The following DNAH8 variants were observed in gnomAD, a reference collection of about 807,000 sequenced individuals.
DNAH8 encodes the protein dynein axonemal heavy chain 8.
A neutral mutation model predicts 562.1 loss-of-function variants in DNAH8; 382 were observed. The observed-to-expected ratio is 0.68, with a 90% CI of 0.63 to 0.74. DNAH8 has a LOEUF of 0.74. Ranked by LOEUF, DNAH8 falls within the 30% of genes least tolerant of loss-of-function variation. The pLI is 0.00. For synonymous variants in DNAH8, 1,881 were observed against 1,919.4 expected, an observed-to-expected ratio of 0.98 and a Z score of 0.52; for missense variants, 5,203 against 5,620.4, an observed-to-expected ratio of 0.93 and a Z score of 2.37.
At chr6:38,865,359 A>T (rs538578690) in intron 45 of DNAH8, among the ~76,000 whole-genome samples, 1 of 152,240 alleles carries the variant, frequency 6.6e-6, no homozygotes, top group Non-Finnish European at 1.5e-5. Context: ...GAAGAAATGT[A>T]CTCAGTGTAA....
chr6:39,018,418 A>C (rs1017082388), intron 91 of DNAH8, among the ~76,000 whole-genome samples: 1 of 152,100 alleles, frequency 6.6e-6, no homozygotes, highest in Non-Finnish European at 1.5e-5. Flanking sequence ...GTTTCCATCC[A>C]TGCCCCTCCT....
rs1396310613 is a variant in DNAH8, at chr6:39,030,167, G to T, written c.13899G>T (p.Lys4633Asn). 1 of 1,614,086 alleles carries T rather than the reference G, an allele frequency of 6.2e-7. No individual in the cohort carries two copies. The highest frequency in any genetic ancestry group is 1.3e-5 in the African/African-American group (1 of 75,018). ...CAGCCTGGGACAGACGGAATGGGAAGCTCATGGAATCCACCCCCAAGGTAC... is the reference window on the plus strand; with the variant it reads ...CAGCCTGGGACAGACGGAATGGGAATCTCATGGAATCCACCCCCAAGGTAC... Reference protein sequence around the residue: ...DGAAWDRRNGKLMESTPKVLF... With the variant: ...DGAAWDRRNGNLMESTPKVLF... Residue 4633 changes from lysine to asparagine, a missense_variant, in exon 93 of 93, where the codon AAG (lysine) becomes AAT (asparagine). Physicochemically the swap from Lys to Asn is moderately conservative, Grantham distance 94 (BLOSUM62 0). Transcript: ENST00000327475.
intron 38 of DNAH8, among the ~76,000 whole-genome samples, chr6:38,851,015 G>A (rs1031054073): frequency 1.3e-5 from 2 of 152,156 alleles, no homozygotes; most frequent in East Asian, 1.9e-4. Context: ...CACTGCAGGC[G>A]TAGAATAGAA....
intron 39 of DNAH8, 88 bp downstream of exon 39, chr6:38,851,762 AG>A: frequency 1.2e-6 from 1 of 857,818 alleles, no homozygotes; most frequent in Non-Finnish European, 1.9e-6. Context: ...TTAAAAATGC[AG>A]GCAGGAAAGA....
chr6:38,756,055 G>C lies in DNAH8; in HGVS notation c.1491G>C (p.Glu497Asp). ...HGVSRYYNTS[E>D]RMTSLFIKVT... ...TGTCAAGGTATTATAATACCTCAGA[G>C]AGAATGACCTCATTGTTTATCAAGG... Residue 497 changes from glutamate (E) to aspartate (D), a missense_variant, in exon 10 of 93, where the codon GAG becomes GAC. Glu to Asp is a conservative substitution (Grantham distance 45). Transcript: ENST00000327475. 6.3e-7 allele frequency: 1 copy of C among 1,595,914 alleles called. No individual in the cohort carries two copies. The highest frequency in any genetic ancestry group is 2.2e-5 in the East Asian group (1 of 44,646).
chr6:38,758,639 T>C (rs9357282), intron 10 of DNAH8, among the ~76,000 whole-genome samples: 44,405 of 149,102 alleles, frequency 0.3, 7,054 homozygotes, highest in East Asian at 0.59. Flanking sequence ...AGTTTTTGTC[T>C]ATTCAGTATG....
chr6:38,994,031 T>TTTTACTTGCA (rs1764966519), intron 88 of DNAH8, among the ~76,000 whole-genome samples: 5 of 150,382 alleles, frequency 3.3e-5, no homozygotes, highest in Admixed American at 1.3e-4. Context: ...ACTTGCAGTC[T>TTTTACTTGCA]GTGAGTGCCC....
At chr6:38,844,548 TCTCC>T (rs1172343180) in intron 35 of DNAH8, among the ~76,000 whole-genome samples, 3 of 152,324 alleles carry the variant, frequency 2.0e-5, no homozygotes, top group Middle Eastern at 3.4e-3. Flanking sequence ...TTGGTGACCA[TCTCC>T]TTCTTATAAG....
At chr6:38,985,034 C>T (rs1446895223) in intron 87 of DNAH8, among the ~76,000 whole-genome samples, 1 of 152,124 alleles carries the variant, frequency 6.6e-6, no homozygotes, top group Admixed American at 6.6e-5. Flanking sequence ...TGATTTCAAG[C>T]CCCAAAATAA....
At chr6:38,765,137 C>A (rs1766880036) in intron 11 of DNAH8, among the ~76,000 whole-genome samples, 1 of 152,056 alleles carries the variant, frequency 6.6e-6, no homozygotes, top group African/African-American at 2.4e-5. Context: ...CGCCTGGCCT[C>A]ATTTGCTCAT....
chr6:38,895,199 A>G (rs778795453), intron 59 of DNAH8, among the ~76,000 whole-genome samples: 1 of 152,074 alleles, frequency 6.6e-6, no homozygotes, highest in Non-Finnish European at 1.5e-5. Context: ...TCAGTCTCCC[A>G]AAGTGCTGGG....
intron 80 of DNAH8, 50 bp downstream of exon 80, chr6:38,945,638 T>C: frequency 6.2e-7 from 1 of 1,605,990 alleles, no homozygotes; most frequent in Non-Finnish European, 8.5e-7. Context: ...AACCCAAACA[T>C]ACCTGGGCCG....
At chr6:38,856,096 C>T (rs1776174699) in intron 41 of DNAH8, among the ~76,000 whole-genome samples, 1 of 152,172 alleles carries the variant, frequency 6.6e-6, no homozygotes, top group Admixed American at 6.5e-5. Flanking sequence ...TTTAGCAAAT[C>T]CATCCCTATC....
intron 53 of DNAH8, among the ~76,000 whole-genome samples, 191 bp downstream of exon 53, chr6:38,876,019 G>A (rs1267638377): frequency 6.6e-6 from 1 of 152,214 alleles, no homozygotes; most frequent in South Asian, 2.1e-4. Flanking sequence ...AACTGATATT[G>A]AGACTCTTGA....
At chr6:38,923,300 T>G in intron 72 of DNAH8, 115 bp downstream of exon 72, 2 of 1,238,188 alleles carry the variant, frequency 1.6e-6, no homozygotes, top group Non-Finnish European at 2.2e-6. Context: ...GCTTGCAACT[T>G]AAATCATGCA....
intron 52 of DNAH8, among the ~76,000 whole-genome samples, chr6:38,875,120 C>CTG (rs970979588): frequency 2.0e-5 from 3 of 152,182 alleles, no homozygotes; most frequent in Non-Finnish European, 4.4e-5. Context: ...ATGAGTGTGA[C>CTG]TGTGTGTGTG....
At chr6:38,879,527 T>C (rs1261204308) in intron 53 of DNAH8, among the ~76,000 whole-genome samples, 1 of 152,174 alleles carries the variant, frequency 6.6e-6, no homozygotes, top group Non-Finnish European at 1.5e-5. Context: ...TTTGGCAAAA[T>C]TTGACACTCT....
chr6:38,729,915 C>A lies in DNAH8; in HGVS notation c.539C>A (p.Thr180Asn). The part of the protein sequence containing the change: ...ILDCPSLEAF[T>N]NFFAKDGCKT... ...TTTATTTAACAGCTGGAAGCATTTA[C>A]TAATTTTTTTGCGAAAGATGGTTGT... is the stretch of plus-strand genomic sequence containing the variant. Residue 180 changes from threonine to asparagine, a missense_variant, in exon 4 of 93, where the codon ACT becomes AAT. Around this residue, in one of 6 missense-constraint regions of DNAH8, gnomAD observed 556 missense variants for 496.9 expected, o/e 1.12. Transcript: ENST00000327475. 6.4e-7 allele frequency: 1 copy of A among 1,570,756 alleles called. No individual in the cohort carries two copies. Among genetic ancestry groups the A allele is most frequent in the Non-Finnish European group, 8.7e-7 (1 of 1,145,976 alleles).
At chr6:38,798,622 A>T (rs1039175443) in intron 21 of DNAH8, among the ~76,000 whole-genome samples, 1 of 152,186 alleles carries the variant, frequency 6.6e-6, no homozygotes, top group African/African-American at 2.4e-5. Flanking sequence ...TGTGCAGTGG[A>T]ATGTGTATGT....
Sources: gnomAD v4.1 joint callset for allele counts (sites outside exome capture counted in the v4.1 genomes callset) on GRCh38, gnomAD v4.1.1 for gene constraint, gnomAD v4.1.1 regional missense constraint, MANE v1.5 for transcripts, NCBI Gene and HGNC (gene_info 2026-07-23, HGNC 2026-07-21) for gene names.